COG5: variants seen among roughly 807,000 people sequenced by gnomAD.
COG5 encodes the protein component of oligomeric golgi complex 5, also known as conserved oligomeric Golgi complex subunit 5.
Under a neutral mutation model 110.4 loss-of-function variants are expected in COG5, and 86 were observed. That is an observed-to-expected ratio of 0.78 (90% CI 0.65 to 0.93). The LOEUF is 0.93. Among genes scored for constraint, COG5 ranks in the 40% least tolerant of loss-of-function variants. The pLI, the probability that COG5 is intolerant of heterozygous loss-of-function variation, is 0.00. For synonymous variants in COG5, 360 were observed against 334.6 expected, an observed-to-expected ratio of 1.08 and a Z score of -0.83; for missense variants, 1,077 against 987.0, an observed-to-expected ratio of 1.09 and a Z score of -1.22.
At chr7:107,242,736 G>A (rs977090653) in intron 17 of COG5, among the ~76,000 whole-genome samples, 1 of 152,172 alleles carries the variant, frequency 6.6e-6, no homozygotes, top group Non-Finnish European at 1.5e-5. Context: ...GTCACCAGGA[G>A]AACCCCTGGC....
intron 19 of COG5, among the ~76,000 whole-genome samples, chr7:107,222,364 C>A (rs1584537895): frequency 6.6e-6 from 1 of 152,282 alleles, no homozygotes. Context: ...TGGCACTATG[C>A]CCAGCTAATT....
At chr7:107,323,674 A>AAT (rs1201359141) in intron 11 of COG5, among the ~76,000 whole-genome samples, 1 of 152,226 alleles carries the variant, frequency 6.6e-6, no homozygotes, top group African/African-American at 2.4e-5. Context: ...CTTCATTAGA[A>AAT]ATAAGTAGAG....
chr7:107,232,269 T>C (rs771827269), intron 18 of COG5, among the ~76,000 whole-genome samples: 33 of 152,246 alleles, frequency 2.2e-4, no homozygotes, highest in Non-Finnish European at 3.8e-4. Context: ...TAGGCTGTTC[T>C]TTGGAACCTG....
At chr7:107,245,744 C>T (rs142850639) in intron 17 of COG5, among the ~76,000 whole-genome samples, 151 of 152,304 alleles carry the variant, frequency 9.9e-4, no homozygotes, top group African/African-American at 3.5e-3. Flanking sequence ...ACATCCCATG[C>T]TCATGGATAG....
In COG5 at chr7:107,203,426, G is replaced by A. The variant is rs1798504181; in HGVS notation, c.*90C>T. The A allele has an allele frequency of 1.2e-6, 1 of 842,262 alleles. No individual in the cohort carries two copies. Among genetic ancestry groups the A allele is most frequent in the Non-Finnish European group, 2.1e-6 (1 of 481,534 alleles). The allele number at this position is 842,262 out of a possible 1,614,324, so 52.2% of individuals were successfully genotyped here. A position where few individuals can be genotyped will look rare whatever the true frequency, so the allele number is the denominator to read the frequency against. On this transcript the variant is annotated 3_prime_UTR_variant, in exon 22 of 22. Coordinates refer to ENST00000297135, the MANE Select transcript of COG5 (RefSeq NM_006348.5). ...AACAATCAATTACATTCTTAAAATA[G>A]TAGATAGTAGCAGTCTTTTGGAGTA...
At chr7:107,260,726 T>C (rs1036249788) in intron 14 of COG5, among the ~76,000 whole-genome samples, 17 of 152,134 alleles carry the variant, frequency 1.1e-4, no homozygotes, top group African/African-American at 3.6e-4. Context: ...CAAAATATTA[T>C]TGATATAAAA....
chr7:107,228,861 A>C (rs1584545132), intron 19 of COG5, among the ~76,000 whole-genome samples: 1 of 152,008 alleles, frequency 6.6e-6, no homozygotes, highest in South Asian at 2.1e-4. Flanking sequence ...TTGGATTCTT[A>C]TATTTCTTAT....
At chr7:107,243,750 A>G (rs904738190) in intron 17 of COG5, among the ~76,000 whole-genome samples, 2 of 152,160 alleles carry the variant, frequency 1.3e-5, no homozygotes, top group Non-Finnish European at 2.9e-5. Flanking sequence ...ATACACTAAT[A>G]TTGACCTCAT....
intron 11 of COG5, among the ~76,000 whole-genome samples, chr7:107,315,258 G>C (rs878872447): frequency 6.6e-6 from 1 of 151,548 alleles, no homozygotes; most frequent in Non-Finnish European, 1.5e-5. Flanking sequence ...TTTTAAAAAG[G>C]TAAAGATAAT....
At chr7:107,319,467 A>T (rs1438712801) in intron 11 of COG5, among the ~76,000 whole-genome samples, 1 of 152,056 alleles carries the variant, frequency 6.6e-6, no homozygotes, top group African/African-American at 2.4e-5. Flanking sequence ...ATTGATTCCC[A>T]TTTTTTTGTG....
intron 6 of COG5, among the ~76,000 whole-genome samples, chr7:107,477,784 T>G (rs1797078527): frequency 6.6e-6 from 1 of 151,930 alleles, no homozygotes; most frequent in Non-Finnish European, 1.5e-5. Flanking sequence ...TCAGCTTAAA[T>G]GTGAGAATGA....
At chr7:107,502,598 CTGTTTTCCATAAAGGT>C (rs921316406) in intron 6 of COG5, among the ~76,000 whole-genome samples, 1 of 152,062 alleles carries the variant, frequency 6.6e-6, no homozygotes, top group Non-Finnish European at 1.5e-5. Context: ...AATCTCCATA[CTGTTTTCCATAAAGGT>C]TGTATTAATT....
intron 5 of COG5, among the ~76,000 whole-genome samples, chr7:107,537,193 A>G (rs1445453204): frequency 6.6e-6 from 1 of 152,160 alleles, no homozygotes; most frequent in African/African-American, 2.4e-5. Context: ...ATACCATTTG[A>G]CCAGCAATCC....
chr7:107,201,513 C>T lies in COG5; in HGVS notation c.*2003G>A, dbSNP rs1356321808. 1 of 807,014 alleles carries T rather than the reference C, an allele frequency of 1.2e-6. No individual in the cohort carries two copies. The highest frequency in any genetic ancestry group is 2.1e-5 in the Admixed American group (1 of 47,238). The allele number at this position is 807,014 out of a possible 1,614,324, so 50.0% of individuals were successfully genotyped here. The stretch of plus-strand genomic sequence containing the variant: ...AAGACTTAAGAAGATCAAGGTCTCA[C>T]CATTTGTCCTCAATTCGTGTGACCA... On this transcript the variant is annotated 3_prime_UTR_variant, in exon 22 of 22. Coordinates refer to ENST00000297135, the MANE Select transcript of COG5 (RefSeq NM_006348.5).
chr7:107,276,488 G>A (rs1722348113), intron 14 of COG5, among the ~76,000 whole-genome samples: 2 of 152,088 alleles, frequency 1.3e-5, no homozygotes, highest in Admixed American at 1.3e-4. Context: ...TGAGTAATGT[G>A]GCGAGACCCT....
chr7:107,422,736 C>T (rs919154532), intron 6 of COG5, among the ~76,000 whole-genome samples: 1 of 144,942 alleles, frequency 6.9e-6, no homozygotes, highest in South Asian at 2.2e-4. Flanking sequence ...GTTTATGTGT[C>T]TGTGTGTGGA....
At chr7:107,442,095 T>C (rs906175766) in intron 6 of COG5, among the ~76,000 whole-genome samples, 1 of 152,190 alleles carries the variant, frequency 6.6e-6, no homozygotes, top group Non-Finnish European at 1.5e-5. Context: ...ATCTTCAATG[T>C]TGGAGGAGGG....
At chr7:107,354,480 C>CCTGAG (rs762590654) in intron 10 of COG5, among the ~76,000 whole-genome samples, 104 of 152,276 alleles carry the variant, frequency 6.8e-4, no homozygotes, top group Non-Finnish European at 1.4e-3. Context: ...AGTTCGAGAC[C>CCTGAG]AGTCCTACCC....
chr7:107,484,950 G>C (rs999561192), intron 6 of COG5, among the ~76,000 whole-genome samples: 1 of 152,128 alleles, frequency 6.6e-6, no homozygotes, highest in South Asian at 2.1e-4. Context: ...AAGAAGACAA[G>C]TGTCTTAAAA....
Sources: allele counts gnomAD v4.1 joint callset (sites outside exome capture counted in the v4.1 genomes callset), GRCh38; gene constraint gnomAD v4.1.1; transcripts MANE v1.5; gene names NCBI Gene and HGNC (gene_info 2026-07-23, HGNC 2026-07-21).